The following NCALD variants were observed in gnomAD, a reference collection of about 807,000 sequenced individuals.
NCALD encodes the protein neurocalcin-delta.
NCALD carries 10 observed loss-of-function variants against 18.6 expected under a neutral mutation model. The ratio of observed to expected loss-of-function variants is 0.54; its 90% CI spans 0.33 to 0.91. The LOEUF is 0.91. Ranked by LOEUF, NCALD falls within the 40% of genes least tolerant of loss-of-function variation. The pLI, the probability that NCALD is intolerant of heterozygous loss-of-function variation, is 0.03. For synonymous variants in NCALD, 88 were observed against 87.4 expected (o/e 1.01, Z -0.04); for missense variants, 184 against 247.6 (o/e 0.74, Z 1.72).
In NCALD at chr8:101,834,408, G is replaced by A. The variant is rs1294719712; in HGVS notation, c.-20+52733C>T. ...AGCTGGAAACATCTTTTCCACTGGC[G>A]ACTCAGCTATTCACTCCGTGCCCCT... On this transcript the variant is annotated intron_variant, in intron 4 of 6. Coordinates refer to the NCALD transcript ENST00000311028. Among the ~76,000 whole-genome samples the A allele has an allele frequency of 2.0e-5, 3 of 152,208 alleles. 1 individual carries two copies. In the South Asian group the frequency reaches 6.2e-4, roughly 32 times the overall value.
chr8:101,894,793 C>T (rs1347002037), intron 3 of NCALD, among the ~76,000 whole-genome samples: 9 of 150,670 alleles, frequency 6.0e-5, no homozygotes, highest in African/African-American at 1.7e-4. Context: ...AACACATACA[C>T]TCTCCCGAGA....
intron 2 of NCALD, among the ~76,000 whole-genome samples, chr8:101,950,552 C>T (rs1469513257): frequency 6.6e-6 from 1 of 152,146 alleles, no homozygotes; most frequent in Non-Finnish European, 1.5e-5. Flanking sequence ...GTAGTCACTC[C>T]CACTAAAAGC....
chr8:101,943,288 C>T lies in NCALD; in HGVS notation c.-156-27430G>A, dbSNP rs77362462. 3.9e-3 allele frequency among the ~76,000 whole-genome samples: 601 copies of T among 152,306 alleles called. 1 individual carries two copies. Among genetic ancestry groups the T allele is most frequent in the Non-Finnish European group, 6.6e-3 (452 of 68,018 alleles). On this transcript the variant is annotated intron_variant, in intron 2 of 6. Transcript: ENST00000311028. ...GGCTGCCATCCTAGAACTTTACCAA[C>T]AACCAGTTGCTATCATTTTTTAAAA... is the stretch of plus-strand genomic sequence containing the variant.
At position 101,689,243 on chromosome 8, in the gene NCALD, A is replaced by T. The variant is rs1252715388; in HGVS notation, c.*66T>A. The T allele has an allele frequency of 9.6e-6, 14 of 1,459,596 alleles. No homozygotes were observed. The East Asian group carries it at 1.2e-4, about 12-fold the overall frequency. The allele number at this position is 1,459,596 out of a possible 1,614,324, so 90.4% of individuals were successfully genotyped here. On this transcript the variant is annotated 3_prime_UTR_variant, in exon 4 of 4. Transcript: ENST00000220931. This position sits in a 1 kb window ranked among gnomAD's most constrained non-coding sequence, Gnocchi z 4.4. ...TATTGTTTGGCAAAAAAAAAAAAAA[A>T]TTGTTAAAAAGAAGAATCAAAAGGG... is the stretch of plus-strand genomic sequence containing the variant.
At chr8:101,690,528 T>C (rs953965693) in intron 3 of NCALD, 5 of 985,288 alleles carry the variant, frequency 5.1e-6, no homozygotes, top group Non-Finnish European at 6.0e-6. Flanking sequence ...TTGACCTCTG[T>C]CCTCTTTTAT....
chr8:101,895,178 C>T (rs186422235), intron 3 of NCALD, among the ~76,000 whole-genome samples: 7,236 of 147,184 alleles, frequency 0.049, 371 homozygotes, highest in African/African-American at 0.13. Context: ...ATCAAGTGGG[C>T]TTCATCCCTG....
Position 101,994,617 on chromosome 8 carries a change from A to C in NCALD, c.-157+25620T>G, listed in dbSNP as rs113726817. Reference sequence around the variant, plus strand: ...AAGGGCTGAGGAGAAGCAGCAGGGCAAGGTTGCCATGTGCATGGCCCGGAG... The same window carrying C: ...AAGGGCTGAGGAGAAGCAGCAGGGCCAGGTTGCCATGTGCATGGCCCGGAG... On this transcript the variant is annotated intron_variant, in intron 2 of 6. Coordinates refer to the NCALD transcript ENST00000311028. Among the ~76,000 whole-genome samples, 392 of 152,364 alleles carry C rather than the reference A, an allele frequency of 2.6e-3. 1 individual carries two copies. Among genetic ancestry groups the C allele is most frequent in the Non-Finnish European group, 4.0e-3 (273 of 68,034 alleles).
chr8:102,006,564 G>C (rs2132048997), intron 2 of NCALD, among the ~76,000 whole-genome samples: 1 of 152,228 alleles, frequency 6.6e-6, no homozygotes, highest in South Asian at 2.1e-4. Context: ...GCTTCTTGTT[G>C]AGTTCCTCTA....
intron 4 of NCALD, among the ~76,000 whole-genome samples, chr8:101,840,999 C>T (rs1407709753): frequency 6.6e-6 from 1 of 152,090 alleles, no homozygotes; most frequent in East Asian, 1.9e-4. Context: ...TTATTAGATT[C>T]AGAGCTAGTG....
intron 1 of NCALD, among the ~76,000 whole-genome samples, chr8:102,071,287 T>A (rs1824171594): frequency 6.6e-6 from 1 of 152,170 alleles, no homozygotes; most frequent in Admixed American, 6.5e-5. Flanking sequence ...TAAAAATGGT[T>A]TTTAACCAGT....
chr8:101,717,068 A>G (rs1816121527), intron 2 of NCALD, among the ~76,000 whole-genome samples: 1 of 152,202 alleles, frequency 6.6e-6, no homozygotes, highest in East Asian at 1.9e-4. Flanking sequence ...TAGGATAATA[A>G]ATTGTATTTT....
intron 2 of NCALD, among the ~76,000 whole-genome samples, chr8:101,953,578 G>A (rs772052768): frequency 1.2e-4 from 18 of 152,310 alleles, no homozygotes; most frequent in Middle Eastern, 6.8e-3. Context: ...AGATCTCAAG[G>A]GGGTCCTGCA....
At chr8:101,973,304 C>T (rs1171039503) in intron 2 of NCALD, among the ~76,000 whole-genome samples, 1 of 152,048 alleles carries the variant, frequency 6.6e-6, no homozygotes, top group Non-Finnish European at 1.5e-5. Context: ...TCAGACTTGC[C>T]TCGCTTTTGA....
At chr8:101,866,915 C>T (rs1023159104) in intron 4 of NCALD, among the ~76,000 whole-genome samples, 8 of 152,194 alleles carry the variant, frequency 5.3e-5, no homozygotes, top group African/African-American at 1.9e-4. Flanking sequence ...ATCTTTCAAG[C>T]ACTCCCATCC....
chr8:101,887,677 A>G, intron 3 of NCALD, among the ~76,000 whole-genome samples: 1 of 151,166 alleles, frequency 6.6e-6, no homozygotes, highest in African/African-American at 2.4e-5. Flanking sequence ...TAAAAGAATA[A>G]TATGTTAAAA....
chr8:101,708,481 T>C (rs1479151763), intron 2 of NCALD, among the ~76,000 whole-genome samples: 1 of 152,192 alleles, frequency 6.6e-6, no homozygotes, highest in Non-Finnish European at 1.5e-5. Flanking sequence ...TGAACTCCCT[T>C]CATTTAGTAG....
chr8:101,819,777 C>G (rs1813645647), intron 4 of NCALD, among the ~76,000 whole-genome samples: 1 of 152,154 alleles, frequency 6.6e-6, no homozygotes, highest in Non-Finnish European at 1.5e-5. Context: ...GCGAGATAAA[C>G]AGCAGCAGCG....
intron 1 of NCALD, among the ~76,000 whole-genome samples, chr8:101,763,445 T>C (rs1346104412): frequency 2.6e-5 from 4 of 152,136 alleles, no homozygotes; most frequent in Non-Finnish European, 5.9e-5. Context: ...TGGTAACCAA[T>C]GACAGGGAAA....
At chr8:102,009,878 A>C (rs143196780) in intron 2 of NCALD, among the ~76,000 whole-genome samples, 2 of 152,364 alleles carry the variant, frequency 1.3e-5, no homozygotes, top group Non-Finnish European at 2.9e-5. Flanking sequence ...AAGCTCTTAC[A>C]GTAGGCACTG....
Sources: gnomAD v4.1 joint callset for allele counts (sites outside exome capture counted in the v4.1 genomes callset) on GRCh38, gnomAD v4.1.1 for gene constraint, Gnocchi (gnomAD v3.1) non-coding constraint, MANE v1.5 for transcripts, NCBI Gene and HGNC (gene_info 2026-07-23, HGNC 2026-07-21) for gene names.